The following SLC24A3 variants were observed in gnomAD, a reference collection of about 807,000 sequenced individuals.
The protein encoded by SLC24A3 is solute carrier family 24 member 3, also known as sodium/potassium/calcium exchanger 3.
In SLC24A3, 28 loss-of-function variants were observed where a neutral mutation model predicts 75.8. The observed-to-expected ratio is 0.37, with a 90% CI of 0.27 to 0.51. SLC24A3 has a LOEUF of 0.51. SLC24A3 is among the 20% of genes least tolerant of loss of function. The probability of loss-of-function intolerance (pLI) is 0.94; values close to 1 mark genes in which losing one functional copy is unlikely to be tolerated. For synonymous variants in SLC24A3, 372 were observed against 334.1 expected, an observed-to-expected ratio of 1.11 and a Z score of -1.24; for missense variants, 663 against 847.8, an observed-to-expected ratio of 0.78 and a Z score of 2.71.
intron 7 of SLC24A3, among the ~76,000 whole-genome samples, chr20:19,662,780 T>A (rs981404646): frequency 6.6e-6 from 1 of 152,212 alleles, no homozygotes; most frequent in Non-Finnish European, 1.5e-5. Context: ...TAACATGAAA[T>A]CTTTAAGGAA....
intron 2 of SLC24A3, among the ~76,000 whole-genome samples, chr20:19,425,037 A>T (rs1986981806): frequency 6.6e-6 from 1 of 152,044 alleles, no homozygotes; most frequent in African/African-American, 2.4e-5. Flanking sequence ...GGGCACAGTG[A>T]CTTACACCTG....
intron 2 of SLC24A3, among the ~76,000 whole-genome samples, chr20:19,422,228 C>A (rs1431449428): frequency 6.6e-6 from 1 of 152,158 alleles, no homozygotes; most frequent in Non-Finnish European, 1.5e-5. Flanking sequence ...AGAGCAGAAC[C>A]AGACCATCTT....
intron 2 of SLC24A3, among the ~76,000 whole-genome samples, chr20:19,316,650 T>C (rs1404437122): frequency 2.0e-5 from 3 of 151,890 alleles, no homozygotes; most frequent in African/African-American, 7.3e-5. Context: ...GAGCACAGAG[T>C]CCAGGCCAGG....
chr20:19,458,807 G>A (rs1987621796), intron 2 of SLC24A3, among the ~76,000 whole-genome samples: 1 of 152,032 alleles, frequency 6.6e-6, no homozygotes, highest in Admixed American at 6.5e-5. Context: ...ATACCCTATG[G>A]CCATCCATTT....
At chr20:19,685,898 C>T (rs554692779) in intron 12 of SLC24A3, among the ~76,000 whole-genome samples, 1 of 152,312 alleles carries the variant, frequency 6.6e-6, no homozygotes, top group South Asian at 2.1e-4. Context: ...AGATCTGACT[C>T]CTCATTGTCC....
chr20:19,430,286 G>A (rs1448419017), intron 2 of SLC24A3, among the ~76,000 whole-genome samples: 1 of 152,174 alleles, frequency 6.6e-6, no homozygotes, highest in East Asian at 1.9e-4. Context: ...GACAGACAAG[G>A]CTTAAAGCAG....
At chr20:19,580,163 G>C in intron 4 of SLC24A3, 89 bp downstream of exon 4, 2 of 1,172,774 alleles carry the variant, frequency 1.7e-6, no homozygotes, top group Non-Finnish European at 2.5e-6. Flanking sequence ...CCAAAGTCCT[G>C]GGGAGCCCTC....
Position 19,346,160 on chromosome 20 carries a change from GTATATATA to G in SLC24A3, c.271+65075_271+65082del, listed in dbSNP as rs200564937. On this transcript the variant is annotated intron_variant, in intron 2 of 16. Coordinates refer to ENST00000328041, the MANE Select transcript of SLC24A3 (RefSeq NM_020689.4). ...TATGGTGTGTGTATATATATATGGT[GTATATATA>G]TGGTATATATATATGGTGTATATAT... Among the ~76,000 whole-genome samples the G allele has an allele frequency of 2.1e-4, 9 of 43,018 alleles. 1 individual carries two copies. The highest frequency in any genetic ancestry group is 6.7e-4 in the Admixed American group (2 of 2,966). The allele number at this position is 43,018 out of a possible 152,430, so 28.2% of individuals were successfully genotyped here.
chr20:19,569,806 C>A (rs969114108), intron 3 of SLC24A3, among the ~76,000 whole-genome samples: 4 of 152,212 alleles, frequency 2.6e-5, no homozygotes, highest in Non-Finnish European at 5.9e-5. Flanking sequence ...CACCTTCAGG[C>A]CAAAGGTTCC....
intron 2 of SLC24A3, among the ~76,000 whole-genome samples, chr20:19,421,736 A>G (rs1461648381): frequency 6.6e-6 from 1 of 152,266 alleles, no homozygotes; most frequent in Admixed American, 6.5e-5. Flanking sequence ...AGAGACTCTT[A>G]GCAAAGCAAG....
chr20:19,456,094 TC>T (rs1987573341), intron 2 of SLC24A3, among the ~76,000 whole-genome samples: 1 of 152,150 alleles, frequency 6.6e-6, no homozygotes, highest in Non-Finnish European at 1.5e-5. Context: ...CCTTTTTTTT[TC>T]CATCTGTATC....
At chr20:19,214,551 CAT>C (rs1981502285) in intron 1 of SLC24A3, among the ~76,000 whole-genome samples, 1 of 152,152 alleles carries the variant, frequency 6.6e-6, no homozygotes, top group African/African-American at 2.4e-5. Context: ...CTCTATGAGA[CAT>C]AGAGTTCCCA....
intron 3 of SLC24A3, among the ~76,000 whole-genome samples, chr20:19,576,033 G>A (rs2031129620): frequency 6.6e-6 from 1 of 152,108 alleles, no homozygotes. Context: ...CCATTTGCTA[G>A]CCATGTGTAC....
At chr20:19,627,004 T>C (rs1209527768) in intron 6 of SLC24A3, among the ~76,000 whole-genome samples, 5 of 152,162 alleles carry the variant, frequency 3.3e-5, no homozygotes. Context: ...TTATACAAAC[T>C]GGTAGGAAAT....
chr20:19,675,284 C>T (rs747086401), intron 9 of SLC24A3, among the ~76,000 whole-genome samples: 11 of 152,216 alleles, frequency 7.2e-5, no homozygotes, highest in Non-Finnish European at 1.5e-4. Flanking sequence ...GTAGGAGTGA[C>T]TGCCTTCTCT....
intron 2 of SLC24A3, among the ~76,000 whole-genome samples, chr20:19,455,160 G>T (rs1987557241): frequency 6.6e-6 from 1 of 152,230 alleles, no homozygotes; most frequent in South Asian, 2.1e-4. Context: ...CGGAGGAGGA[G>T]AACAGATCCT....
intron 2 of SLC24A3, among the ~76,000 whole-genome samples, chr20:19,452,922 G>A (rs915884427): frequency 5.9e-5 from 9 of 152,050 alleles, no homozygotes; most frequent in African/African-American, 1.9e-4. Flanking sequence ...GGTGGCTCAC[G>A]CCTATAATCC....
chr20:19,601,207 G>A (rs2031522811), intron 6 of SLC24A3, among the ~76,000 whole-genome samples: 1 of 152,226 alleles, frequency 6.6e-6, no homozygotes, highest in Non-Finnish European at 1.5e-5. Context: ...GCCAGCAAGA[G>A]TTTGGCTTGG....
chr20:19,651,842 C>CAG (rs1175720300), intron 6 of SLC24A3, among the ~76,000 whole-genome samples: 2 of 131,016 alleles, frequency 1.5e-5, no homozygotes, highest in Non-Finnish European at 3.2e-5. Flanking sequence ...GCCTGGGTGA[C>CAG]AGAGAGAGAC....
Sources: allele counts gnomAD v4.1 joint callset (sites outside exome capture counted in the v4.1 genomes callset), GRCh38; gene constraint gnomAD v4.1.1; transcripts MANE v1.5; gene names NCBI Gene and HGNC (gene_info 2026-07-23, HGNC 2026-07-21).